The following TBCE variants were observed in gnomAD, a reference collection of about 807,000 sequenced individuals.
TBCE encodes the protein tubulin folding cofactor E, also known as tubulin-specific chaperone E.
TBCE carries 53 observed loss-of-function variants against 77.0 expected under a neutral mutation model. The ratio of observed to expected loss-of-function variants is 0.69; its 90% CI spans 0.55 to 0.87. The LOEUF (loss-of-function observed/expected upper bound fraction) is 0.87. TBCE is among the 40% of genes least tolerant of loss of function. The pLI, the probability that TBCE is intolerant of heterozygous loss-of-function variation, is 0.00. For synonymous variants in TBCE, 235 were observed against 241.3 expected (o/e 0.97, Z 0.24); for missense variants, 624 against 622.4 (o/e 1.00, Z -0.03).
chr1:235,405,266 G>A lies in TBCE; in HGVS notation c.185+3679G>A, dbSNP rs191396594. Among the ~76,000 whole-genome samples the A allele has an allele frequency of 3.9e-3, 596 of 151,750 alleles. 4 individuals carry two copies. The highest frequency in any genetic ancestry group is 0.014 in the African/African-American group (569 of 41,410). On this transcript the variant is annotated intron_variant, in intron 3 of 16. Coordinates refer to ENST00000642610, the MANE Select transcript of TBCE (RefSeq NM_003193.5). The stretch of plus-strand genomic sequence containing the variant: ...GCATGAGCCACTGCACTGGACCTGA[G>A]CCTTCTTCCAGAATACCTCCTGAAG...
At position 235,452,348 on chromosome 1, in the gene TBCE, C is replaced by G. The variant is rs559486669; in HGVS notation, c.*3586C>G. 2 of 152,000 alleles carry G rather than the reference C, an allele frequency of 1.3e-5. No individual in the cohort carries two copies. Among genetic ancestry groups the G allele is most frequent in the African/African-American group, 4.8e-5 (2 of 41,374 alleles). 9.4% of individuals were successfully genotyped at this position (152,000 alleles called of 1,614,324 possible). A position where few individuals can be genotyped will look rare whatever the true frequency, so the allele number is the denominator to read the frequency against. On this transcript the variant is annotated 3_prime_UTR_variant, in exon 17 of 17. Transcript: ENST00000642610. Reference sequence around the variant, plus strand: ...CTGAGTTTTTTTGTAGGCAGGGGAACGTTGATTTATAACCTTTTGCTTTAA... The same window carrying G: ...CTGAGTTTTTTTGTAGGCAGGGGAAGGTTGATTTATAACCTTTTGCTTTAA...
intron 2 of TBCE, among the ~76,000 whole-genome samples, chr1:235,383,199 T>C (rs1677786643): frequency 6.7e-6 from 1 of 150,036 alleles, no homozygotes; most frequent in African/African-American, 2.4e-5. Flanking sequence ...ACCAGTACCA[T>C]GCTGTTTTGG....
chr1:235,380,855 G>T (rs1158144668), intron 2 of TBCE, among the ~76,000 whole-genome samples: 3 of 152,062 alleles, frequency 2.0e-5, no homozygotes, highest in Non-Finnish European at 4.4e-5. Context: ...GTGCGATGTT[G>T]GCTCACCGCA....
chr1:235,448,674 C>A lies in TBCE; in HGVS notation c.1496C>A (p.Pro499Gln). ...LLLSYESPKK[P>Q]GREIELENDL... is the part of the protein sequence containing the mutation. ...CCACCTTCGTTCTAATTTTAGAAGC[C>A]GGGCAGAGAAATCGAGCTGGAAAAT... is the stretch of plus-strand genomic sequence containing the variant. Residue 499 changes from proline (P) to glutamine (Q), a missense_variant, in exon 17 of 17, where the codon CCG (proline) becomes CAG (glutamine). By Grantham distance (76) the Pro-to-Gln change is moderately conservative. Coordinates refer to ENST00000642610, the MANE Select transcript of TBCE (RefSeq NM_003193.5). 1 of 1,613,368 alleles carries A rather than the reference C, an allele frequency of 6.2e-7. No homozygotes were observed. The highest frequency in any genetic ancestry group is 8.5e-7 in the Non-Finnish European group (1 of 1,179,506).
At position 235,451,910 on chromosome 1, in the gene TBCE, CTG is replaced by C. The variant is rs1279211784; in HGVS notation, c.*3152_*3153del. On this transcript the variant is annotated 3_prime_UTR_variant, in exon 17 of 17. Transcript: ENST00000642610. ...CATTTTTTTTTCTGGTTCAGCAATA[CTG>C]TGTTTTAAATGATGTCTTATATTTC... 1.3e-5 allele frequency: 2 copies of C among 152,088 alleles called. No individual in the cohort carries two copies. Among genetic ancestry groups the C allele is most frequent in the South Asian group, 2.1e-4 (1 of 4,824 alleles). 9.4% of individuals were successfully genotyped at this position (152,088 alleles called of 1,614,324 possible).
chr1:235,374,649 C>T lies in TBCE; in HGVS notation c.-31-5370C>T, dbSNP rs1020571120. ...CCTAGGAGCTGGGATTACAGGTATC[C>T]GCCACCACACCTGGCTAATTTTTGT... On this transcript the variant is annotated intron_variant, in intron 1 of 16. Coordinates refer to ENST00000642610, the MANE Select transcript of TBCE (RefSeq NM_003193.5). 6.3e-5 allele frequency among the ~76,000 whole-genome samples: 9 copies of T among 143,708 alleles called. 2 individuals carry two copies. Among genetic ancestry groups the T allele is most frequent in the Non-Finnish European group, 9.1e-5 (6 of 65,992 alleles). The allele number at this position is 143,708 out of a possible 152,430, so 94.3% of individuals were successfully genotyped here.
chr1:235,420,639 C>T (rs1481238542), intron 5 of TBCE, among the ~76,000 whole-genome samples: 4 of 152,066 alleles, frequency 2.6e-5, no homozygotes, highest in East Asian at 1.9e-4. Context: ...CCCGCCACCA[C>T]GCCCAGCTAA....
chr1:235,444,956 G>A (rs976565356), intron 15 of TBCE, among the ~76,000 whole-genome samples: 1 of 152,214 alleles, frequency 6.6e-6, no homozygotes, highest in Non-Finnish European at 1.5e-5. Flanking sequence ...TGACAGTGCC[G>A]CCTTACCCTT....
In TBCE at chr1:235,442,740, G is replaced by A. The variant is rs1681980799; in HGVS notation, c.1340-112G>A. On this transcript the variant is annotated intron_variant, in intron 14 of 16. Transcript: ENST00000642610. ...AGAATTTTAAACATTGATTAGACCT[G>A]CCAATTTGCACTGAATACCTCTATC... 4 of 986,520 alleles carry A rather than the reference G, an allele frequency of 4.1e-6. No homozygotes were observed. The South Asian group carries it at 4.2e-5, about 10-fold the overall frequency. The allele number at this position is 986,520 out of a possible 1,614,324, so 61.1% of individuals were successfully genotyped here.
intron 5 of TBCE, among the ~76,000 whole-genome samples, chr1:235,424,983 C>T (rs902075823): frequency 1.3e-5 from 2 of 152,114 alleles, no homozygotes; most frequent in African/African-American, 2.4e-5. Context: ...ACTCCTCAGT[C>T]GCTTCTGTGG....
chr1:235,387,246 G>A (rs966504082), intron 2 of TBCE, among the ~76,000 whole-genome samples: 7 of 152,098 alleles, frequency 4.6e-5, no homozygotes, highest in Admixed American at 1.3e-4. Context: ...AGGGGTCAGG[G>A]GTCAGGGACC....
At chr1:235,379,400 G>A (rs767284924) in intron 1 of TBCE, among the ~76,000 whole-genome samples, 3 of 151,942 alleles carry the variant, frequency 2.0e-5, no homozygotes, top group Non-Finnish European at 4.4e-5. Flanking sequence ...ATGGTGGTGG[G>A]TGCTGTAATC....
intron 1 of TBCE, among the ~76,000 whole-genome samples, chr1:235,379,556 A>C (rs982634079): frequency 1.3e-5 from 2 of 151,558 alleles, no homozygotes; most frequent in African/African-American, 4.9e-5. Context: ...CAAAAAAAAC[A>C]CATTTCTAGC....
At chr1:235,442,823 A>G (rs778291075) in intron 14 of TBCE, 29 bp from the exon 15 acceptor site, 17 of 1,606,500 alleles carry the variant, frequency 1.1e-5, no homozygotes, top group African/African-American at 2.7e-5. Context: ...GTAGATATCA[A>G]TTAGTCTTTT....
chr1:235,420,718 T>C (rs972564578), intron 5 of TBCE, among the ~76,000 whole-genome samples: 11 of 152,146 alleles, frequency 7.2e-5, no homozygotes, highest in Non-Finnish European at 1.6e-4. Context: ...CTTGACCTGG[T>C]CATCCGCCCA....
rs1049365959 is a variant in TBCE at position 235,449,571 on chromosome 1, T to A, written c.*809T>A. On this transcript the variant is annotated 3_prime_UTR_variant, in exon 17 of 17. Coordinates refer to ENST00000642610, the MANE Select transcript of TBCE (RefSeq NM_003193.5). ...GGCAGAAAGAAAATTTGGGTATTAG[T>A]CTACCATATAAATGAACTTCTTTAA... The A allele has an allele frequency of 1.3e-5, 2 of 152,482 alleles. No homozygotes were observed. The highest frequency in any genetic ancestry group is 4.8e-5 in the African/African-American group (2 of 41,480). 9.4% of individuals were successfully genotyped at this position (152,482 alleles called of 1,614,324 possible).
chr1:235,413,548 A>C (rs1679932564), intron 3 of TBCE, among the ~76,000 whole-genome samples: 1 of 151,734 alleles, frequency 6.6e-6, no homozygotes, highest in African/African-American at 2.4e-5. Context: ...CTGTAGTCCC[A>C]GCTAATTGGG....
chr1:235,440,858 G>A (rs1681832853), intron 13 of TBCE: 1 of 152,222 alleles, frequency 6.6e-6, no homozygotes, highest in Admixed American at 6.5e-5. Flanking sequence ...TTCAGGCTTT[G>A]AAGCTAAGAA....
At position 235,449,249 on chromosome 1, in the gene TBCE, A is replaced by T. The variant is rs1447727716; in HGVS notation, c.*487A>T. The stretch of plus-strand genomic sequence containing the variant: ...TGCTATTATCTGTCTTCTCAGTTGC[A>T]CTATTTCTAAGAGTACTTAAATTAA... On this transcript the variant is annotated 3_prime_UTR_variant, in exon 17 of 17. Coordinates refer to ENST00000642610, the MANE Select transcript of TBCE (RefSeq NM_003193.5). 1 of 177,520 alleles carries T rather than the reference A, an allele frequency of 5.6e-6. No homozygotes were observed. The highest frequency in any genetic ancestry group is 1.2e-5 in the Non-Finnish European group (1 of 82,860). 11.0% of individuals were successfully genotyped at this position (177,520 alleles called of 1,614,324 possible).
Sources: allele counts gnomAD v4.1 joint callset (sites outside exome capture counted in the v4.1 genomes callset), GRCh38; gene constraint gnomAD v4.1.1; transcripts MANE v1.5; gene names NCBI Gene and HGNC (gene_info 2026-07-23, HGNC 2026-07-21).